TOP1MT: variants seen among roughly 807,000 people sequenced by gnomAD.
TOP1MT encodes the protein DNA topoisomerase I mitochondrial, also known as DNA topoisomerase I, mitochondrial.
In TOP1MT, 80 loss-of-function variants were observed where a neutral mutation model predicts 73.9. That is an observed-to-expected ratio of 1.08 (90% CI 0.90 to 1.30). The LOEUF is 1.30. Among genes scored for constraint, TOP1MT ranks in the 50% most tolerant of loss-of-function variants. The pLI is 0.00. For synonymous variants in TOP1MT, 338 were observed against 326.4 expected (o/e 1.04, Z -0.38); for missense variants, 815 against 808.0 (o/e 1.01, Z -0.10).
rs1271622761 is a variant in TOP1MT, at chr8:143,344,912, G to T, written c.-39+4C>A. On this transcript the variant is annotated splice_donor_region_variant and intron_variant, in intron 1 of 5. Coordinates refer to the TOP1MT transcript ENST00000518007. The surrounding 1 kb of genome is among the most constrained non-coding windows in gnomAD (Gnocchi z 4.6). ...TGGGCGTCAAGGGAGGAGCCACCCA[G>T]CACCTGGAGAGCAGCTGTGGTCACA... is the stretch of plus-strand genomic sequence containing the variant. 1.3e-5 allele frequency: 2 copies of T among 152,424 alleles called. No individual in the cohort carries two copies. The highest frequency in any genetic ancestry group is 4.8e-5 in the African/African-American group (2 of 41,446). The allele number at this position is 152,424 out of a possible 1,614,324, so 9.4% of individuals were successfully genotyped here.
chr8:143,332,344 G>A (rs1816880366), intron 1 of TOP1MT: 1 of 541,046 alleles, frequency 1.8e-6, no homozygotes. Context: ...CCAGCACCCA[G>A]GATGGCCAGT....
chr8:143,334,979 C>G, upstream of TOP1MT: 1 of 1,109,878 alleles, frequency 9.0e-7, no homozygotes, highest in Non-Finnish European at 1.1e-6. Context: ...GGCGCTCATC[C>G]CAAGGCTGGG....
chr8:143,325,579 G>A lies in TOP1MT; in HGVS notation c.484-46C>T, dbSNP rs199593820. On this transcript the variant is annotated intron_variant, in intron 4 of 13. Coordinates refer to ENST00000329245, the MANE Select transcript of TOP1MT (RefSeq NM_052963.3). ...GTGGACATTAGCAGTGAAGAGAAGAGAACAGGCCTCAGTCCGTTGTTGCTA... is the reference window on the plus strand; with the variant it reads ...GTGGACATTAGCAGTGAAGAGAAGAAAACAGGCCTCAGTCCGTTGTTGCTA... The A allele has an allele frequency of 7.7e-6, 12 of 1,563,266 alleles. No homozygotes were observed. In the East Asian group the frequency reaches 2.7e-4, roughly 35 times the overall value.
upstream of TOP1MT, among the ~76,000 whole-genome samples, chr8:143,345,723 AC>A (rs1256538617): frequency 7.2e-4 from 109 of 152,386 alleles, no homozygotes; most frequent in African/African-American, 2.6e-3. Context: ...AAAGTAATTC[AC>A]ACTTAAACTA....
rs781724745 is a variant in TOP1MT, at chr8:143,318,006, G to T, written c.1215+12C>A. On this transcript the variant is annotated intron_variant, in intron 9 of 13. Transcript: ENST00000329245. The stretch of plus-strand genomic sequence containing the variant: ...CCGCCGCCCACTGCTGAGGAAACAC[G>T]AGCCGGCTTACGGTCAGCCTGTCGA... The T allele has an allele frequency of 6.2e-7, 1 of 1,614,110 alleles. No homozygotes were observed.
intron 2 of TOP1MT, 117 bp from the exon 3 acceptor site, chr8:143,329,588 C>A: frequency 7.8e-7 from 1 of 1,281,572 alleles, no homozygotes; most frequent in Non-Finnish European, 1.1e-6. Flanking sequence ...GAGCAAGAAG[C>A]TAGGCCTTCT....
upstream of TOP1MT, among the ~76,000 whole-genome samples, chr8:143,346,385 G>C (rs528269396): frequency 5.3e-5 from 8 of 152,190 alleles, no homozygotes; most frequent in Non-Finnish European, 1.2e-4. Flanking sequence ...TTAGTTCTTG[G>C]ACCAGGCATT....
At chr8:143,354,140 C>T (rs540489956) in intron 1 of TOP1MT, among the ~76,000 whole-genome samples, 1 of 152,074 alleles carries the variant, frequency 6.6e-6, no homozygotes, top group South Asian at 2.1e-4. Flanking sequence ...AATAGCCCTA[C>T]GGTACAAACA....
At chr8:143,352,468 G>T (rs1218236959) in intron 1 of TOP1MT, among the ~76,000 whole-genome samples, 1 of 152,178 alleles carries the variant, frequency 6.6e-6, no homozygotes, top group Non-Finnish European at 1.5e-5. Flanking sequence ...GGTGCGGACT[G>T]TCCACATGCA....
chr8:143,319,676 T>TGCTGGTGGGCATCG (rs1816274741), intron 8 of TOP1MT, among the ~76,000 whole-genome samples: 1 of 151,890 alleles, frequency 6.6e-6, no homozygotes, highest in Non-Finnish European at 1.5e-5. Context: ...TCTGGGCATC[T>TGCTGGTGGGCATCG]ATGCTGGTGG....
At chr8:143,345,576 CAG>C (rs1401302250), upstream of TOP1MT, among the ~76,000 whole-genome samples, 7 of 152,352 alleles carry the variant, frequency 4.6e-5, no homozygotes, top group African/African-American at 1.7e-4. Context: ...GGCACTTCAG[CAG>C]AGAGTTTTTC....
At chr8:143,334,961 C>T, upstream of TOP1MT, 1 of 1,179,182 alleles carries the variant, frequency 8.5e-7, no homozygotes, top group African/African-American at 1.7e-5. Flanking sequence ...GCGGCCTCCG[C>T]CCCCAGCGGC....
chr8:143,327,749 AG>A (rs1816745552), intron 3 of TOP1MT: 1 of 398,024 alleles, frequency 2.5e-6, no homozygotes, highest in Non-Finnish European at 5.0e-6. Flanking sequence ...TGAAAGGCAG[AG>A]GGGTGGCATC....
upstream of TOP1MT, among the ~76,000 whole-genome samples, chr8:143,348,297 G>C (rs1817262598): frequency 1.3e-5 from 2 of 152,204 alleles, no homozygotes; most frequent in South Asian, 4.1e-4. This position sits in a 1 kb window ranked among gnomAD's most constrained non-coding sequence, Gnocchi z 4.6. Flanking sequence ...AGCACAAGGG[G>C]TGGTAAGACC....
At chr8:143,321,176 G>A (rs1008825719) in intron 8 of TOP1MT, 25 bp downstream of exon 8, 1 of 1,553,426 alleles carries the variant, frequency 6.4e-7, no homozygotes, top group Non-Finnish European at 8.7e-7. Context: ...CACATAGCGG[G>A]GGCAGCTGGC....
At chr8:143,315,081 C>T (rs540166168) in intron 12 of TOP1MT, among the ~76,000 whole-genome samples, 11 of 152,138 alleles carry the variant, frequency 7.2e-5, no homozygotes, top group African/African-American at 2.4e-4. Flanking sequence ...AAACACCTGC[C>T]ACTTAGCAGA....
intron 7 of TOP1MT, among the ~76,000 whole-genome samples, chr8:143,322,610 ATG>A: frequency 1.6e-5 from 2 of 121,448 alleles, no homozygotes; most frequent in African/African-American, 7.1e-5. Context: ...GGCCACACAC[ATG>A]CATGCCACAC....
rs1163841910 is a variant in TOP1MT, at chr8:143,342,061, CAGAGTCTCGCTCTGTTATTATTATTATT to C, written c.29+1131_29+1158del. The stretch of plus-strand genomic sequence containing the variant: ...TCGCTGTTATTATTATTATTAGAGA[CAGAGTCTCGCTCTGTTATTATTATTATT>C]AGAGTCTCGCTCTGTTATTATTATT... On this transcript the variant is annotated intron_variant, in intron 2 of 5. Transcript: ENST00000518007. Among the ~76,000 whole-genome samples, 148 of 130,702 alleles carry C rather than the reference CAGAGTCTCGCTCTGTTATTATTATTATT, an allele frequency of 1.1e-3. 8 individuals carry two copies. Among genetic ancestry groups the C allele is most frequent in the African/African-American group, 4.7e-3 (118 of 24,934 alleles). The allele number at this position is 130,702 out of a possible 152,430, so 85.7% of individuals were successfully genotyped here.
At chr8:143,314,964 A>G (rs1055486015) in intron 12 of TOP1MT, among the ~76,000 whole-genome samples, 9 of 152,192 alleles carry the variant, frequency 5.9e-5, no homozygotes, top group African/African-American at 1.7e-4. Flanking sequence ...TGTTATGCCC[A>G]GACAGGGCCA....
Sources: allele counts gnomAD v4.1 joint callset (sites outside exome capture counted in the v4.1 genomes callset), GRCh38; gene constraint gnomAD v4.1.1; non-coding constraint Gnocchi (gnomAD v3.1); transcripts MANE v1.5; gene names NCBI Gene and HGNC (gene_info 2026-07-23, HGNC 2026-07-21).